Variants in DLX5 observed in about 807,000 individuals in gnomAD.
DLX5 encodes distal-less homeobox 5, also known as homeobox protein DLX-5.
DLX5 carries 8 observed loss-of-function variants against 27.1 expected under a neutral mutation model. That is an observed-to-expected ratio of 0.30 (90% CI 0.17 to 0.53). The LOEUF (loss-of-function observed/expected upper bound fraction) is 0.53, where lower values mean the gene tolerates loss of function less well. DLX5 is among the 20% of genes least tolerant of loss of function. DLX5 has a pLI of 0.95. For synonymous variants in DLX5, 178 were observed against 161.9 expected (o/e 1.10, Z -0.75); for missense variants, 339 against 375.1 (o/e 0.90, Z 0.80).
Position 97,023,234 on chromosome 7 carries a change from G to C in DLX5, c.356-865C>G, listed in dbSNP as rs541098729. On this transcript the variant is annotated intron_variant, in intron 1 of 2. Coordinates refer to ENST00000648378, the MANE Select transcript of DLX5 (RefSeq NM_005221.6). The stretch of plus-strand genomic sequence containing the variant: ...TCATGAGTATGGGTTTGGGCGGGAG[G>C]GGGAGGGATTGCCAAACGCGTGTTG... Among the ~76,000 whole-genome samples, 8 of 151,970 alleles carry C rather than the reference G, an allele frequency of 5.3e-5. No homozygotes were observed. In the East Asian group the frequency reaches 1.2e-3, roughly 22 times the overall value.
chr7:97,022,037 G>C, intron 2 of DLX5, 148 bp downstream of exon 2: 3 of 909,442 alleles, frequency 3.3e-6, no homozygotes, highest in Non-Finnish European at 5.2e-6. Flanking sequence ...CTGACTCACC[G>C]AGTTAAAGCA....
chr7:97,020,910 C>G lies in DLX5; in HGVS notation c.696G>C (p.Ser232=), dbSNP rs371372992. The change falls in exon 3 of 3, where the codon TCG becomes TCC. Residue 232 remains serine (S), a synonymous_variant. Coordinates refer to ENST00000648378, the MANE Select transcript of DLX5 (RefSeq NM_005221.6). ...GGTGGGCATGAGGGTGGTGGCTGAGCGAGCGGGACGAGCCCTGGGGCTCCC... is the reference window on the plus strand; with the variant it reads ...GGTGGGCATGAGGGTGGTGGCTGAGGGAGCGGGACGAGCCCTGGGGCTCCC... ...AVWEPQGSSR[S]LSHHPHAHPP... is the part of the protein sequence containing the mutation. The G allele has an allele frequency of 2.7e-4, 428 of 1,614,080 alleles. 3 individuals carry two copies. In the South Asian group the frequency reaches 4.3e-3, roughly 16 times the overall value.
At chr7:97,023,310 T>C (rs188575547) in intron 1 of DLX5, among the ~76,000 whole-genome samples, 1 of 150,986 alleles carries the variant, frequency 6.6e-6, no homozygotes, top group Admixed American at 6.6e-5. Context: ...CTACCACCCC[T>C]CTGGAACTGA....
chr7:97,020,853 G>A lies in DLX5; in HGVS notation c.753C>T (p.Ser251=). The part of the protein sequence containing the change: ...PPTSNQSPAS[S]YLENSASWYT... ...ACCAGGATGCAGAGTTCTCCAGGTA[G>A]CTGGACGCTGGGGACTGGTTGGAGG... is the stretch of plus-strand genomic sequence containing the variant. Residue 251 remains serine, a synonymous_variant, in exon 3 of 3, where the codon AGC becomes AGT. Transcript: ENST00000648378. 1 of 1,614,160 alleles carries A rather than the reference G, an allele frequency of 6.2e-7. No homozygotes were observed. The highest frequency in any genetic ancestry group is 8.5e-7 in the Non-Finnish European group (1 of 1,180,032).
chr7:97,024,794 G>A lies in DLX5; in HGVS notation c.-171C>T. On this transcript the variant is annotated 5_prime_UTR_variant, in exon 1 of 3. Coordinates refer to ENST00000648378, the MANE Select transcript of DLX5 (RefSeq NM_005221.6). The surrounding 1 kb of genome is among the most constrained non-coding windows in gnomAD (Gnocchi z 4.6). The stretch of plus-strand genomic sequence containing the variant: ...GGCGGCCGCGGCGAGGAGGAGACTG[G>A]GAGTCGTGAAGTCTCTGTCTCCGGC... 1 of 617,074 alleles carries A rather than the reference G, an allele frequency of 1.6e-6. No individual in the cohort carries two copies. The highest frequency in any genetic ancestry group is 2.8e-6 in the Non-Finnish European group (1 of 356,294). 38.2% of individuals were successfully genotyped at this position (617,074 alleles called of 1,614,324 possible). A position where few individuals can be genotyped will look rare whatever the true frequency, so the allele number is the denominator to read the frequency against.
Position 97,022,209 on chromosome 7 carries a change from G to A in DLX5, c.516C>T (p.Ala172=), listed in dbSNP as rs751182245. Residue 172 remains alanine (A), a synonymous_variant, in exon 2 of 3, where the codon GCC becomes GCT. Transcript: ENST00000648378. ...LALPERAELA[A]SLGLTQTQVK... is the part of the protein sequence containing the mutation. ...CCTGTGTTTGTGTCAATCCCAGCGA[G>A]GCGGCCAGCTCGGCGCGTTCCGGCA... 1.9e-6 allele frequency: 3 copies of A among 1,614,186 alleles called. No individual in the cohort carries two copies. The highest frequency in any genetic ancestry group is 1.1e-5 in the South Asian group (1 of 91,074).
rs1244437476 is a variant in DLX5 at position 97,022,004 on chromosome 7, T to C, written c.540+181A>G. Reference sequence around the variant, plus strand: ...GAGGTATCTCCAGACCGCTGATGAATACCATCCCCACCGTCTCAAGGCCTG... The same window carrying C: ...GAGGTATCTCCAGACCGCTGATGAACACCATCCCCACCGTCTCAAGGCCTG... On this transcript the variant is annotated intron_variant, in intron 2 of 2. Transcript: ENST00000648378. 35 of 709,060 alleles carry C rather than the reference T, an allele frequency of 4.9e-5. No individual in the cohort carries two copies. In the East Asian group the frequency reaches 9.2e-4, roughly 19 times the overall value. 43.9% of individuals were successfully genotyped at this position (709,060 alleles called of 1,614,324 possible).
At chr7:97,021,462 C>A (rs1398072882) in intron 2 of DLX5, among the ~76,000 whole-genome samples, 2 of 152,144 alleles carry the variant, frequency 1.3e-5, no homozygotes, top group African/African-American at 2.4e-5. Flanking sequence ...GGGGAAGGGG[C>A]GTGGGGCGGG....
At position 97,020,875 on chromosome 7, in the gene DLX5, G is replaced by C. The variant is rs1480065692; in HGVS notation, c.731C>G (p.Ser244Cys). 2.5e-6 allele frequency: 4 copies of C among 1,614,076 alleles called. No individual in the cohort carries two copies. Among genetic ancestry groups the C allele is most frequent in the Admixed American group, 3.3e-5 (2 of 60,010 alleles). The change falls in exon 3 of 3, where the codon TCC (serine) becomes TGC (cysteine). Residue 244 changes from serine (S) to cysteine (C), a missense_variant. Transcript: ENST00000648378. ...SHHPHAHPPT[S>C]NQSPASSYLE... ...GTAGCTGGACGCTGGGGACTGGTTG[G>C]AGGTCGGAGGGTGGGCATGAGGGTG...
chr7:97,020,572 A>AGGG lies in DLX5; in HGVS notation c.*161_*163dup. 1 of 663,682 alleles carries AGGG rather than the reference A, an allele frequency of 1.5e-6. No individual in the cohort carries two copies. The highest frequency in any genetic ancestry group is 2.3e-6 in the Non-Finnish European group (1 of 440,200). The allele number at this position is 663,682 out of a possible 1,614,324, so 41.1% of individuals were successfully genotyped here. A position where few individuals can be genotyped will look rare whatever the true frequency, so the allele number is the denominator to read the frequency against. On this transcript the variant is annotated 3_prime_UTR_variant, in exon 3 of 3. Transcript: ENST00000648378. ...CGCAAAAAAAGTCCTCTGTAAAAAA[A>AGGG]GGGGGGGTCTTTTGAAATGCAATAA... is the stretch of plus-strand genomic sequence containing the variant.
In DLX5 at chr7:97,022,387, A is replaced by G; in HGVS notation, c.356-18T>C. ...TTCTTTCTCTAAATAATCAAAACAG[A>G]CTCAGTTAAAGCTTGTCACCAGACA... On this transcript the variant is annotated intron_variant, in intron 1 of 2. Transcript: ENST00000648378. The G allele has an allele frequency of 6.2e-7, 1 of 1,612,508 alleles. No individual in the cohort carries two copies. The highest frequency in any genetic ancestry group is 8.5e-7 in the Non-Finnish European group (1 of 1,179,982).
intron 2 of DLX5, among the ~76,000 whole-genome samples, chr7:97,021,307 T>C (rs1790051092): frequency 1.3e-5 from 2 of 152,248 alleles, no homozygotes; most frequent in South Asian, 4.1e-4. Context: ...ACCCCAAGGC[T>C]TGTCTTTTGT....
chr7:97,023,749 G>C (rs1398342794), intron 1 of DLX5, among the ~76,000 whole-genome samples: 1 of 152,022 alleles, frequency 6.6e-6, no homozygotes, highest in Non-Finnish European at 1.5e-5. Flanking sequence ...TCTCTGGCTG[G>C]CTACAACTCC....
At chr7:97,023,124 C>A (rs1205702121) in intron 1 of DLX5, among the ~76,000 whole-genome samples, 3 of 150,984 alleles carry the variant, frequency 2.0e-5, no homozygotes, top group African/African-American at 7.3e-5. Flanking sequence ...TTTTAAAGTT[C>A]AGCAAGAGTC....
Position 97,020,720 on chromosome 7 carries a change from A to C in DLX5, c.*16T>G, listed in dbSNP as rs527440729. 8.4e-6 allele frequency: 13 copies of C among 1,542,464 alleles called. No homozygotes were observed. The Admixed American group carries it at 1.4e-4, about 16-fold the overall frequency. On this transcript the variant is annotated 3_prime_UTR_variant, in exon 3 of 3. Coordinates refer to ENST00000648378, the MANE Select transcript of DLX5 (RefSeq NM_005221.6). ...CACAGTAGTCCCAAAAAAGAGAGTA[A>C]GAGAGAGCAGCCCATCTAATAGAGT...
At chr7:97,023,626 C>G (rs1790122905) in intron 1 of DLX5, among the ~76,000 whole-genome samples, 1 of 151,864 alleles carries the variant, frequency 6.6e-6, no homozygotes, top group South Asian at 2.1e-4. Flanking sequence ...CCTATGGAGA[C>G]AGAAAAAAAA....
At position 97,024,272 on chromosome 7, in the gene DLX5, G is replaced by A; in HGVS notation, c.352C>T (p.Pro118Ser). The change falls in exon 1 of 3, where the codon CCA becomes TCA. Residue 118 changes from proline to serine, a missense_variant. Physicochemically the swap from Pro to Ser is moderately conservative, Grantham distance 74 (BLOSUM62 -1). Around this residue, in one of 3 missense-constraint regions of DLX5, gnomAD observed 188 missense variants for 206.1 expected, o/e 0.91. Transcript: ENST00000648378. This position sits in a 1 kb window ranked among gnomAD's most constrained non-coding sequence, Gnocchi z 4.6. Reference protein sequence around the residue: ...YNRVPSATNQPEKEVTEPEVR... With the variant: ...YNRVPSATNQSEKEVTEPEVR... ...AGCCTTCCCCCTGTCCATGTACCTG[G>A]CTGGTTGGTGGCGCTTGGGACGCGG... The A allele has an allele frequency of 6.2e-7, 1 of 1,612,752 alleles. No individual in the cohort carries two copies. The highest frequency in any genetic ancestry group is 8.5e-7 in the Non-Finnish European group (1 of 1,179,134).
Position 97,022,266 on chromosome 7 carries a change from C to G in DLX5, c.459G>C (p.Gln153His), listed in dbSNP as rs1172649256. The G allele has an allele frequency of 6.2e-7, 1 of 1,614,250 alleles. No individual in the cohort carries two copies. ...GGTACTGAGTCTTCTGAAACCTTCTCTGTAATGCGGCCAGCTGAAAGCTGG... is the reference window on the plus strand; with the variant it reads ...GGTACTGAGTCTTCTGAAACCTTCTGTGTAATGCGGCCAGCTGAAAGCTGG... ...IYSSFQLAALQRRFQKTQYLA... is the reference protein window; with the variant it reads ...IYSSFQLAALHRRFQKTQYLA... The change falls in exon 2 of 3, where the codon CAG becomes CAC. Residue 153 changes from glutamine to histidine, a missense_variant. Gln to His is a conservative substitution (Grantham distance 24). Around this residue, in one of 3 missense-constraint regions of DLX5, gnomAD observed 188 missense variants for 206.1 expected, o/e 0.91. Coordinates refer to ENST00000648378, the MANE Select transcript of DLX5 (RefSeq NM_005221.6).
rs1432947457 is a variant in DLX5 at position 97,022,630 on chromosome 7, G to A, written c.356-261C>T. The A allele has an allele frequency of 6.1e-6, 6 of 983,892 alleles. No homozygotes were observed. The African/African-American group carries it at 1.0e-4, about 17-fold the overall frequency. The allele number at this position is 983,892 out of a possible 1,614,324, so 60.9% of individuals were successfully genotyped here. A position where few individuals can be genotyped will look rare whatever the true frequency, so the allele number is the denominator to read the frequency against. ...CTTCCTACAACACTGCTTTCTCCTTGGCATCTGGGATTCAGCTCTTGCGGT... is the reference window on the plus strand; with the variant it reads ...CTTCCTACAACACTGCTTTCTCCTTAGCATCTGGGATTCAGCTCTTGCGGT... On this transcript the variant is annotated intron_variant, in intron 1 of 2. Coordinates refer to ENST00000648378, the MANE Select transcript of DLX5 (RefSeq NM_005221.6).
Sources: allele counts gnomAD v4.1 joint callset (sites outside exome capture counted in the v4.1 genomes callset), GRCh38; gene constraint gnomAD v4.1.1; regional missense constraint gnomAD v4.1.1; non-coding constraint Gnocchi (gnomAD v3.1); transcripts MANE v1.5; gene names NCBI Gene and HGNC (gene_info 2026-07-23, HGNC 2026-07-21).